The following RALYL variants were observed in gnomAD, a reference collection of about 807,000 sequenced individuals.
RALYL encodes the protein RALY RNA binding protein like, also known as RNA-binding Raly-like protein.
RALYL carries 29 observed loss-of-function variants against 35.1 expected under a neutral mutation model. That is an observed-to-expected ratio of 0.83 (90% CI 0.61 to 1.13). The LOEUF is 1.13. Ranked by LOEUF, RALYL falls within the 50% of genes most tolerant of loss-of-function variation. The pLI is 0.00. For synonymous variants in RALYL, 120 were observed against 127.6 expected (o/e 0.94, Z 0.40); for missense variants, 359 against 360.4 (o/e 1.00, Z 0.03).
intron 2 of RALYL, among the ~76,000 whole-genome samples, chr8:84,749,298 T>C (rs1476465374): frequency 6.6e-6 from 1 of 151,812 alleles, no homozygotes; most frequent in Non-Finnish European, 1.5e-5. Flanking sequence ...TGAACTGATC[T>C]CTCTGCCTGA....
intron 4 of RALYL, among the ~76,000 whole-genome samples, chr8:84,847,934 C>T (rs746893617): frequency 6.6e-6 from 1 of 152,146 alleles, no homozygotes; most frequent in Non-Finnish European, 1.5e-5. Flanking sequence ...ATTTTTCACC[C>T]TCTATGTAAG....
chr8:84,777,863 G>A (rs1015745960), intron 3 of RALYL, among the ~76,000 whole-genome samples: 2 of 152,052 alleles, frequency 1.3e-5, no homozygotes, highest in Non-Finnish European at 1.5e-5. Context: ...GGATAGTCTC[G>A]ATCTCCTGAC....
chr8:84,191,160 T>C (rs1177274887), intron 1 of RALYL, among the ~76,000 whole-genome samples: 1 of 143,556 alleles, frequency 7.0e-6, no homozygotes, highest in African/African-American at 2.7e-5. Context: ...CCCAGGATTG[T>C]ATGTGTCGTG....
At chr8:84,886,947 A>G (rs983428652) in intron 7 of RALYL, among the ~76,000 whole-genome samples, 5 of 152,214 alleles carry the variant, frequency 3.3e-5, no homozygotes, top group African/African-American at 1.2e-4. Context: ...TTTGCACAGC[A>G]TCACAAAGCT....
intron 1 of RALYL, among the ~76,000 whole-genome samples, chr8:84,289,572 G>A (rs1351459078): frequency 6.6e-6 from 1 of 152,026 alleles, no homozygotes; most frequent in East Asian, 1.9e-4. Flanking sequence ...AGTAGAGTAT[G>A]AGGATTTCCA....
intron 2 of RALYL, among the ~76,000 whole-genome samples, chr8:84,601,453 C>T (rs931385931): frequency 6.6e-6 from 1 of 152,076 alleles, no homozygotes; most frequent in African/African-American, 2.4e-5. Flanking sequence ...TCCACTTTCT[C>T]GGCCTTCCTG....
At chr8:84,472,307 A>T (rs925303469) in intron 1 of RALYL, among the ~76,000 whole-genome samples, 1 of 152,128 alleles carries the variant, frequency 6.6e-6, no homozygotes, top group South Asian at 2.1e-4. Context: ...ATGAATTTTT[A>T]TAATACAGGA....
intron 1 of RALYL, among the ~76,000 whole-genome samples, chr8:84,423,763 A>G (rs896411251): frequency 2.6e-5 from 4 of 151,782 alleles, no homozygotes; most frequent in African/African-American, 9.7e-5. Flanking sequence ...AAAATCGGTC[A>G]GCATTTGCTT....
intron 2 of RALYL, among the ~76,000 whole-genome samples, chr8:84,556,550 C>A (rs1267199891): frequency 6.6e-6 from 1 of 152,110 alleles, no homozygotes; most frequent in Non-Finnish European, 1.5e-5. Flanking sequence ...TTATTCACAT[C>A]CCTAACACAT....
chr8:84,549,948 T>C (rs369039715), intron 2 of RALYL, among the ~76,000 whole-genome samples: 11 of 152,344 alleles, frequency 7.2e-5, no homozygotes, highest in African/African-American at 2.6e-4. Context: ...TCTGTTTTTA[T>C]GAGGAACATT....
chr8:84,763,864 T>G (rs113551093), intron 2 of RALYL, among the ~76,000 whole-genome samples: 64 of 152,348 alleles, frequency 4.2e-4, no homozygotes, highest in African/African-American at 1.5e-3. Context: ...AACGTGCTTC[T>G]GTTCTCAGCT....
intron 1 of RALYL, among the ~76,000 whole-genome samples, chr8:84,430,321 A>G (rs940817726): frequency 6.6e-6 from 1 of 152,192 alleles, no homozygotes; most frequent in Non-Finnish European, 1.5e-5. Context: ...TATTTTAAAC[A>G]TTAGTTATTT....
At position 84,529,300 on chromosome 8, in the gene RALYL, A is replaced by G. The variant is rs2059118439; in HGVS notation, c.-22A>G. Reference sequence around the variant, plus strand: ...TGTTTGTTTGTTTGTTTGTTTAAGGATTAAAGCAAGGAGAGCCAATCATGA... The same window carrying G: ...TGTTTGTTTGTTTGTTTGTTTAAGGGTTAAAGCAAGGAGAGCCAATCATGA... On this transcript the variant is annotated splice_region_variant and 5_prime_UTR_variant, in exon 2 of 9. Transcript: ENST00000521268. 6.4e-7 allele frequency: 1 copy of G among 1,556,060 alleles called. No individual in the cohort carries two copies. Among genetic ancestry groups the G allele is most frequent in the African/African-American group, 1.4e-5 (1 of 73,474 alleles).
chr8:84,228,363 G>GATGGCACTTTTA (rs1175703635), intron 1 of RALYL, among the ~76,000 whole-genome samples: 1 of 151,940 alleles, frequency 6.6e-6, no homozygotes. Context: ...GAAGAATTTT[G>GATGGCACTTTTA]ATGGCACTTT....
chr8:84,822,428 G>T, intron 4 of RALYL, among the ~76,000 whole-genome samples: 1 of 152,158 alleles, frequency 6.6e-6, no homozygotes, highest in Admixed American at 6.5e-5. Flanking sequence ...TGATAGCATT[G>T]CTGCCCTTTC....
chr8:84,521,042 T>C (rs1040129608), intron 1 of RALYL, among the ~76,000 whole-genome samples: 1 of 152,180 alleles, frequency 6.6e-6, no homozygotes, highest in Non-Finnish European at 1.5e-5. Flanking sequence ...CTGCTGTGGA[T>C]TGAAATATGT....
chr8:84,778,949 T>C (rs1279086796), intron 3 of RALYL, among the ~76,000 whole-genome samples: 2 of 152,220 alleles, frequency 1.3e-5, no homozygotes, highest in Non-Finnish European at 2.9e-5. Context: ...AAGGAATTAT[T>C]TCAGTCTTGG....
At chr8:84,752,104 C>T (rs868193572) in intron 2 of RALYL, among the ~76,000 whole-genome samples, 1 of 152,102 alleles carries the variant, frequency 6.6e-6, no homozygotes, top group South Asian at 2.1e-4. Flanking sequence ...GTGATATGGA[C>T]GATGAAGTCC....
intron 1 of RALYL, among the ~76,000 whole-genome samples, chr8:84,336,014 C>T (rs1847735479): frequency 6.6e-6 from 1 of 151,856 alleles, no homozygotes; most frequent in Non-Finnish European, 1.5e-5. Flanking sequence ...TCTAATAATC[C>T]CAATAGTCTG....
Sources: gnomAD v4.1 joint callset for allele counts (sites outside exome capture counted in the v4.1 genomes callset) on GRCh38, gnomAD v4.1.1 for gene constraint, MANE v1.5 for transcripts, NCBI Gene and HGNC (gene_info 2026-07-23, HGNC 2026-07-21) for gene names.